The following TRIM22 variants were observed in gnomAD, a reference collection of about 807,000 sequenced individuals.
TRIM22 encodes E3 ubiquitin-protein ligase TRIM22.
Under a neutral mutation model 53.6 loss-of-function variants are expected in TRIM22, and 45 were observed. That is an observed-to-expected ratio of 0.84 (90% CI 0.66 to 1.08). TRIM22 has a LOEUF of 1.08. Ranked by LOEUF, TRIM22 falls within the 50% of genes least tolerant of loss-of-function variation. The pLI, the probability that TRIM22 is intolerant of heterozygous loss-of-function variation, is 0.00. For missense variants in TRIM22, 616 were observed against 590.9 expected (o/e 1.04, Z -0.44); for synonymous variants, 225 against 216.6 (o/e 1.04, Z -0.34).
At chr11:5,706,003 T>C (rs1021666759) in intron 4 of TRIM22, among the ~76,000 whole-genome samples, 1 of 152,218 alleles carries the variant, frequency 6.6e-6, no homozygotes, top group Non-Finnish European at 1.5e-5. Flanking sequence ...AGTACACTTC[T>C]TAAGGACTTT....
intron 4 of TRIM22, among the ~76,000 whole-genome samples, chr11:5,699,857 T>C (rs1462896961): frequency 6.6e-6 from 1 of 151,898 alleles, no homozygotes; most frequent in Non-Finnish European, 1.5e-5. Flanking sequence ...ATTCTGTACC[T>C]TTTTAAAGAG....
At chr11:5,704,149 C>G (rs1051757832) in intron 4 of TRIM22, among the ~76,000 whole-genome samples, 1 of 152,150 alleles carries the variant, frequency 6.6e-6, no homozygotes, top group African/African-American at 2.4e-5. Context: ...GGGTATATAC[C>G]CAAAGGAAAA....
Position 5,709,690 on chromosome 11 carries a change from T to G in TRIM22, c.*42T>G, listed in dbSNP as rs1590322394. ...ACCCACTTCTGCATAGTAGCCCTTG[T>G]GCTGAGACTCAGATTCTGCACCTGA... On this transcript the variant is annotated 3_prime_UTR_variant, in exon 8 of 8. Coordinates refer to ENST00000379965, the MANE Select transcript of TRIM22 (RefSeq NM_006074.5). 1.3e-6 allele frequency: 2 copies of G among 1,535,164 alleles called. No individual in the cohort carries two copies. The highest frequency in any genetic ancestry group is 1.8e-6 in the Non-Finnish European group (2 of 1,132,500).
chr11:5,692,258 A>G (rs139809974), intron 1 of TRIM22, among the ~76,000 whole-genome samples: 88 of 152,360 alleles, frequency 5.8e-4, no homozygotes, highest in East Asian at 1.7e-3. Flanking sequence ...TGCTCTTGTC[A>G]AGGGCTTTGC....
Position 5,706,636 on chromosome 11 carries a change from G to A in TRIM22, c.773+20G>A. Reference sequence around the variant, plus strand: ...GAAAAGGTATATGTGGAAGAGAGATGTGGTCTTATTTGTCTGAAAAGAGAA... The same window carrying A: ...GAAAAGGTATATGTGGAAGAGAGATATGGTCTTATTTGTCTGAAAAGAGAA... On this transcript the variant is annotated intron_variant, in intron 5 of 7. Transcript: ENST00000379965. 6.2e-7 allele frequency: 1 copy of A among 1,600,978 alleles called. No homozygotes were observed. The highest frequency in any genetic ancestry group is 1.1e-5 in the South Asian group (1 of 89,340).
In TRIM22 at chr11:5,698,448, C is replaced by G; in HGVS notation, c.653C>G (p.Ala218Gly). 1.2e-6 allele frequency: 2 copies of G among 1,614,164 alleles called. No homozygotes were observed. The highest frequency in any genetic ancestry group is 1.7e-6 in the Non-Finnish European group (2 of 1,180,018). The change falls in exon 4 of 8, where the codon GCA becomes GGA. Residue 218 changes from alanine (A) to glycine (G), a missense_variant. Transcript: ENST00000379965. ...GTGAATGTGCTGGATAACCTGGCAG[C>G]AGCTACAGACCAGCTGGTCCAGCAG... ...GEVNVLDNLA[A>G]ATDQLVQQRQ...
intron 1 of TRIM22, among the ~76,000 whole-genome samples, chr11:5,693,497 G>C (rs1853208276): frequency 6.6e-6 from 1 of 151,838 alleles, no homozygotes; most frequent in Admixed American, 6.6e-5. Flanking sequence ...GAGGCGGGCA[G>C]ATCATGAGGT....
chr11:5,694,386 C>G (rs1369328181), intron 1 of TRIM22, among the ~76,000 whole-genome samples: 1 of 152,220 alleles, frequency 6.6e-6, no homozygotes, highest in Admixed American at 6.5e-5. Context: ...CTATCACCAT[C>G]CTTGCCATAT....
chr11:5,708,680 T>C (rs1853504070), intron 7 of TRIM22, 77 bp downstream of exon 7: 3 of 1,314,984 alleles, frequency 2.3e-6, no homozygotes, highest in Non-Finnish European at 3.2e-6. Flanking sequence ...CTGAGTCTCA[T>C]GTGTTCCTCC....
chr11:5,704,692 A>G lies in TRIM22; in HGVS notation c.751-1902A>G, dbSNP rs150864792. On this transcript the variant is annotated intron_variant, in intron 4 of 7. Coordinates refer to ENST00000379965, the MANE Select transcript of TRIM22 (RefSeq NM_006074.5). Reference sequence around the variant, plus strand: ...TCACATTGCCTTTACTTTTTGTATCATAGCCAACAAATCACTACCAAATCC... The same window carrying G: ...TCACATTGCCTTTACTTTTTGTATCGTAGCCAACAAATCACTACCAAATCC... Among the ~76,000 whole-genome samples, 226 of 152,226 alleles carry G rather than the reference A, an allele frequency of 1.5e-3. 2 individuals are homozygous for G. The highest frequency in any genetic ancestry group is 4.8e-3 in the African/African-American group (198 of 41,536).
intron 5 of TRIM22, 57 bp from the exon 6 acceptor site, chr11:5,708,116 T>C (rs1853490897): frequency 6.5e-6 from 9 of 1,375,684 alleles, no homozygotes; most frequent in South Asian, 4.7e-5. Flanking sequence ...GACAGTGATC[T>C]TGGATGGAGA....
intron 4 of TRIM22, 30 bp downstream of exon 4, chr11:5,698,575 G>C (rs375238186): frequency 9.7e-6 from 15 of 1,553,598 alleles, no homozygotes; most frequent in East Asian, 2.3e-5. Context: ...ACCTACGTAA[G>C]AGATTAGGGG....
chr11:5,693,469 CCAG>C (rs1422635611), intron 1 of TRIM22, among the ~76,000 whole-genome samples: 1 of 151,472 alleles, frequency 6.6e-6, no homozygotes, highest in Non-Finnish European at 1.5e-5. Context: ...GCCAGTAATC[CCAG>C]CACTTTGGGA....
chr11:5,697,373 T>C (rs769662561), intron 3 of TRIM22, 30 bp downstream of exon 3: 5 of 1,552,160 alleles, frequency 3.2e-6, no homozygotes, highest in East Asian at 2.2e-5. Flanking sequence ...AAGGGATAAT[T>C]AGACAGGAAT....
intron 1 of TRIM22, among the ~76,000 whole-genome samples, chr11:5,695,793 G>C (rs1853249230): frequency 6.6e-6 from 1 of 152,168 alleles, no homozygotes. Flanking sequence ...AAGCCTGTGT[G>C]CAAGCCCAGG....
At chr11:5,690,287 T>G (rs1853152414) in intron 1 of TRIM22, among the ~76,000 whole-genome samples, 1 of 152,228 alleles carries the variant, frequency 6.6e-6, no homozygotes, top group Non-Finnish European at 1.5e-5. Flanking sequence ...CCAGTCGCCA[T>G]GAGAGCACAC....
At chr11:5,693,754 A>G (rs1853214567) in intron 1 of TRIM22, among the ~76,000 whole-genome samples, 1 of 151,322 alleles carries the variant, frequency 6.6e-6, no homozygotes, top group South Asian at 2.1e-4. Context: ...GAATGAATAA[A>G]TCAAGAAAAA....
At chr11:5,708,904 G>C (rs146730846) in intron 7 of TRIM22, 149 bp from the exon 8 acceptor site, 1 of 681,612 alleles carries the variant, frequency 1.5e-6, no homozygotes, top group East Asian at 2.7e-5. Context: ...CTTACACCCT[G>C]TATTTCTTAA....
Position 5,706,489 on chromosome 11 carries a change from T to C in TRIM22, c.751-105T>C. ...TTAAATATTATAAGGGTCATATATA[T>C]AACAAAAAATATATTGTTTATCCCA... is the stretch of plus-strand genomic sequence containing the variant. On this transcript the variant is annotated intron_variant, in intron 4 of 7. Coordinates refer to ENST00000379965, the MANE Select transcript of TRIM22 (RefSeq NM_006074.5). 4.2e-6 allele frequency: 4 copies of C among 956,102 alleles called. No homozygotes were observed. The South Asian group carries it at 6.5e-5, about 15-fold the overall frequency. 59.2% of individuals were successfully genotyped at this position (956,102 alleles called of 1,614,324 possible). A position where few individuals can be genotyped will look rare whatever the true frequency, so the allele number is the denominator to read the frequency against.
Sources: gnomAD v4.1 joint callset for allele counts (sites outside exome capture counted in the v4.1 genomes callset) on GRCh38, gnomAD v4.1.1 for gene constraint, MANE v1.5 for transcripts, NCBI Gene and HGNC (gene_info 2026-07-23, HGNC 2026-07-21) for gene names.